Variants in LHX1 observed in about 807,000 individuals in gnomAD.
LHX1 encodes the protein LIM homeobox 1, also known as LIM/homeobox protein Lhx1.
A neutral mutation model predicts 34.1 loss-of-function variants in LHX1; 9 were observed. That is an observed-to-expected ratio of 0.26 (90% CI 0.16 to 0.46). The LOEUF (loss-of-function observed/expected upper bound fraction) is 0.46, where lower values mean the gene tolerates loss of function less well. LHX1 is among the 20% of genes least tolerant of loss of function. The pLI is 1.00. For synonymous variants in LHX1, 254 were observed against 241.5 expected (o/e 1.05, Z -0.48); for missense variants, 446 against 559.1 (o/e 0.80, Z 2.04).
rs2070788607 is a variant in LHX1 at position 36,944,281 on chromosome 17, AAGTGTTAC to A, written c.*1152_*1159del. The stretch of plus-strand genomic sequence containing the variant: ...GAAAGTGTTAAAAAAAAAAAAAAAA[AAGTGTTAC>A]AAGATTTAAAAAAAAACATCTTTGC... On this transcript the variant is annotated 3_prime_UTR_variant, in exon 5 of 5. Coordinates refer to ENST00000614239, the MANE Select transcript of LHX1 (RefSeq NM_005568.5). 1 of 151,062 alleles carries A rather than the reference AAGTGTTAC, an allele frequency of 6.6e-6. No individual in the cohort carries two copies. Among genetic ancestry groups the A allele is most frequent in the Admixed American group, 6.6e-5 (1 of 15,212 alleles). The allele number at this position is 151,062 out of a possible 1,614,324, so 9.4% of individuals were successfully genotyped here. A position where few individuals can be genotyped will look rare whatever the true frequency, so the allele number is the denominator to read the frequency against.
rs1263843103 is a variant in LHX1, at chr17:36,940,699, G to A, written c.487G>A (p.Asp163Asn). 1 of 1,613,798 alleles carries A rather than the reference G, an allele frequency of 6.2e-7. No individual in the cohort carries two copies. ...AKDSESANVS[D>N]KEAGSNENDD... is the part of the protein sequence containing the mutation. Reference sequence around the variant, plus strand: ...GGACTCGGAGAGCGCCAACGTGTCGGACAAGGAAGCGGGTAGCAACGAGAA... The same window carrying A: ...GGACTCGGAGAGCGCCAACGTGTCGAACAAGGAAGCGGGTAGCAACGAGAA... The change falls in exon 3 of 5, where the codon GAC becomes AAC. Residue 163 changes from aspartate to asparagine, a missense_variant. By Grantham distance (23) the Asp-to-Asn change is conservative. Coordinates refer to ENST00000614239, the MANE Select transcript of LHX1 (RefSeq NM_005568.5).
rs1351689429 is a variant in LHX1 at position 36,943,246 on chromosome 17, G to A, written c.*115G>A. 4.8e-6 allele frequency: 6 copies of A among 1,258,392 alleles called. No individual in the cohort carries two copies. The highest frequency in any genetic ancestry group is 5.2e-5 in the East Asian group (2 of 38,640). 78.0% of individuals were successfully genotyped at this position (1,258,392 alleles called of 1,614,324 possible). On this transcript the variant is annotated 3_prime_UTR_variant, in exon 5 of 5. Transcript: ENST00000614239. ...GTCCCCACCCCCTTCCTCCAGCCTC[G>A]AGAACCATTCTCCTTCTGGGGAGAC...
intron 1 of LHX1, among the ~76,000 whole-genome samples, chr17:36,939,336 C>T (rs1474287924): frequency 6.6e-6 from 1 of 152,226 alleles, no homozygotes; most frequent in Non-Finnish European, 1.5e-5. Flanking sequence ...CTGACTTGGT[C>T]TCTGCTTTTC....
rs1250213613 is a variant in LHX1 at position 36,942,736 on chromosome 17, C to G, written c.842-16C>G. 1.3e-6 allele frequency: 2 copies of G among 1,490,772 alleles called. No homozygotes were observed. The highest frequency in any genetic ancestry group is 4.7e-5 in the Admixed American group (2 of 42,758). 92.3% of individuals were successfully genotyped at this position (1,490,772 alleles called of 1,614,324 possible). On this transcript the variant is annotated splice_polypyrimidine_tract_variant and intron_variant, in intron 4 of 4. Transcript: ENST00000614239. ...GCCGGGCCCTGACGTCCTGCGCCCT[C>G]CCCGCCGCTCCGCAGATTACCAGAG...
intron 4 of LHX1, among the ~76,000 whole-genome samples, 180 bp from the exon 5 acceptor site, chr17:36,942,572 G>A (rs1035923712): frequency 3.3e-5 from 5 of 152,230 alleles, no homozygotes; most frequent in African/African-American, 1.2e-4. Context: ...CTGGTAAGGG[G>A]CAGCTCCCGG....
In LHX1 at chr17:36,940,456, G is replaced by A; in HGVS notation, c.337G>A (p.Val113Ile). The part of the protein sequence containing the change: ...ELYIIDENKF[V>I]CKEDYLSNSS... ...CTACATCATCGACGAGAATAAGTTCGTCTGCAAAGAGGATTACCTAAGTAA... is the reference window on the plus strand; with the variant it reads ...CTACATCATCGACGAGAATAAGTTCATCTGCAAAGAGGATTACCTAAGTAA... The change falls in exon 2 of 5, where the codon GTC becomes ATC. Residue 113 changes from valine to isoleucine, a missense_variant. Physicochemically the swap from Val to Ile is conservative, Grantham distance 29. This residue lies in a region of LHX1 where 168 missense variants were observed against 226.6 expected (regional missense o/e 0.74). Transcript: ENST00000614239. The A allele has an allele frequency of 6.2e-7, 1 of 1,614,108 alleles. No homozygotes were observed. The highest frequency in any genetic ancestry group is 2.2e-5 in the East Asian group (1 of 44,888).
intron 1 of LHX1, 36 bp from the exon 2 acceptor site, chr17:36,940,254 T>TCCCCCCCCCCCCC: frequency 3.6e-6 from 2 of 560,758 alleles, no homozygotes; most frequent in Non-Finnish European, 6.4e-6. Flanking sequence ...GGCTGACCCA[T>TCCCCCCCCCCCCC]CCCCGCCCCC....
Position 36,943,791 on chromosome 17 carries a change from C to A in LHX1, c.*660C>A. 6.6e-6 allele frequency: 1 copy of A among 152,258 alleles called. No individual in the cohort carries two copies. Among genetic ancestry groups the A allele is most frequent in the Non-Finnish European group, 1.5e-5 (1 of 68,020 alleles). 9.4% of individuals were successfully genotyped at this position (152,258 alleles called of 1,614,324 possible). A position where few individuals can be genotyped will look rare whatever the true frequency, so the allele number is the denominator to read the frequency against. ...TGTAAAGCCCTCCGTATCAACTCTT[C>A]TACCTTCGCAAAACTACACATACAC... On this transcript the variant is annotated 3_prime_UTR_variant, in exon 5 of 5. Coordinates refer to ENST00000614239, the MANE Select transcript of LHX1 (RefSeq NM_005568.5).
rs2070739503 is a variant in LHX1 at position 36,937,977 on chromosome 17, C to T, written c.-221C>T. The T allele has an allele frequency of 1.6e-6, 1 of 606,302 alleles. No individual in the cohort carries two copies. Among genetic ancestry groups the T allele is most frequent in the South Asian group, 2.0e-5 (1 of 50,992 alleles). The allele number at this position is 606,302 out of a possible 1,614,324, so 37.6% of individuals were successfully genotyped here. A position where few individuals can be genotyped will look rare whatever the true frequency, so the allele number is the denominator to read the frequency against. ...CTCCAGCCCGGGGCCCCGGGACTCC[C>T]CGGCTGCACACTTCACTGAGACGCC... On this transcript the variant is annotated 5_prime_UTR_variant, in exon 1 of 5. Transcript: ENST00000614239.
rs756863663 is a variant in LHX1 at position 36,942,262 on chromosome 17, C to T, written c.738C>T (p.Ala246=). The T allele has an allele frequency of 6.3e-7, 1 of 1,599,822 alleles. No individual in the cohort carries two copies. Among genetic ancestry groups the T allele is most frequent in the Non-Finnish European group, 8.5e-7 (1 of 1,175,216 alleles). The change falls in exon 4 of 5, where the codon GCC becomes GCT. Residue 246 remains alanine (A), a synonymous_variant. Transcript: ENST00000614239. The part of the protein sequence containing the change: ...RRMKQLSALG[A]RRHAFFRSPR... ...TGAAGCAGCTGAGCGCCCTGGGCGC[C>T]CGGCGCCACGCCTTCTTCCGCAGTC...
chr17:36,939,691 C>T (rs2142180722), intron 1 of LHX1, among the ~76,000 whole-genome samples: 1 of 152,380 alleles, frequency 6.6e-6, no homozygotes, highest in African/African-American at 2.4e-5. Context: ...TTTTGCCAAC[C>T]TGTCCCGCTT....
In LHX1 at chr17:36,940,273, CCCCCA is replaced by C; in HGVS notation, c.171-12_171-8del. On this transcript the variant is annotated splice_polypyrimidine_tract_variant and intron_variant, in intron 1 of 4. Transcript: ENST00000614239. ...GACCCATCCCCGCCCCCGCCCCCCA[CCCCCA>C]CCCCCCCGCAGGTGTTTCGGTACCA... 3.8e-6 allele frequency: 2 copies of C among 524,836 alleles called. No homozygotes were observed. The highest frequency in any genetic ancestry group is 3.5e-5 in the South Asian group (2 of 57,312). The allele number at this position is 524,836 out of a possible 1,614,324, so 32.5% of individuals were successfully genotyped here.
At chr17:36,938,543 G>T (rs534910881) in intron 1 of LHX1, 176 bp downstream of exon 1, 10 of 704,740 alleles carry the variant, frequency 1.4e-5, no homozygotes, top group Non-Finnish European at 2.3e-5. Context: ...AGCCCGGGAC[G>T]CGGCCCTGCT....
chr17:36,939,726 C>T (rs893022764), intron 1 of LHX1, among the ~76,000 whole-genome samples: 42 of 152,354 alleles, frequency 2.8e-4, no homozygotes, highest in East Asian at 7.7e-4. Flanking sequence ...GCGGCGGCCC[C>T]GCTAAGGCTA....
In LHX1 at chr17:36,937,517, G is replaced by C. The variant is rs2070734353; in HGVS notation, c.-681G>C. On this transcript the variant is annotated 5_prime_UTR_variant, in exon 1 of 5. Transcript: ENST00000614239. ...CCCTCCCCTCTTTCCCTTCTCCCGC[G>C]GTCGGCCCTCGCCCCCTCCCCCAGG... The C allele has an allele frequency of 3.2e-6, 1 of 311,984 alleles. No homozygotes were observed. Among genetic ancestry groups the C allele is most frequent in the African/African-American group, 2.3e-5 (1 of 44,198 alleles). 19.3% of individuals were successfully genotyped at this position (311,984 alleles called of 1,614,324 possible).
At position 36,937,803 on chromosome 17, in the gene LHX1, GTCT is replaced by G. The variant is rs757177226; in HGVS notation, c.-385_-383del. On this transcript the variant is annotated 5_prime_UTR_variant, in exon 1 of 5. Transcript: ENST00000614239. ...CGCAACCCGAGCTCGGCGAGTCGTC[GTCT>G]TCTTCTTCTCCGTTTTTATTTATTT... The G allele has an allele frequency of 5.3e-5, 26 of 486,716 alleles. No individual in the cohort carries two copies. The East Asian group carries it at 6.0e-4, about 11-fold the overall frequency. 30.1% of individuals were successfully genotyped at this position (486,716 alleles called of 1,614,324 possible).
intron 3 of LHX1, 144 bp downstream of exon 3, chr17:36,941,031 C>T (rs1000296484): frequency 1.6e-6 from 2 of 1,274,200 alleles, no homozygotes; most frequent in Non-Finnish European, 2.2e-6. Context: ...CCCGAGCCTG[C>T]GGGACCTATG....
At chr17:36,941,204 AC>A (rs1401569810) in intron 3 of LHX1, 1 of 632,558 alleles carries the variant, frequency 1.6e-6, no homozygotes, top group Non-Finnish European at 2.9e-6. Flanking sequence ...CACATACCCC[AC>A]CCCACCTCGG....
Position 36,943,131 on chromosome 17 carries a change from G to A in LHX1, c.1221G>A (p.Ter407=), listed in dbSNP as rs1345452144. The part of the protein sequence containing the change: ...PPEMNEAAVW[*] ...AAATGAACGAGGCGGCCGTGTGGTA[G>A]CGGGGTCTCGCACGGTCTGCGGAGT... Residue 407 remains the stop codon, a stop_retained_variant, in exon 5 of 5, where the codon TAG becomes TAA. Coordinates refer to ENST00000614239, the MANE Select transcript of LHX1 (RefSeq NM_005568.5). 2 of 1,612,368 alleles carry A rather than the reference G, an allele frequency of 1.2e-6. No homozygotes were observed. Among genetic ancestry groups the A allele is most frequent in the Admixed American group, 3.3e-5 (2 of 60,008 alleles).
Sources: allele counts gnomAD v4.1 joint callset (sites outside exome capture counted in the v4.1 genomes callset), GRCh38; gene constraint gnomAD v4.1.1; regional missense constraint gnomAD v4.1.1; transcripts MANE v1.5; gene names NCBI Gene and HGNC (gene_info 2026-07-23, HGNC 2026-07-21).